FHAD1: variants seen among roughly 807,000 people sequenced by gnomAD.
FHAD1 encodes the protein forkhead associated phosphopeptide binding domain 1, also known as forkhead-associated domain-containing protein 1.
Under a neutral mutation model 191.3 loss-of-function variants are expected in FHAD1, and 146 were observed. The ratio of observed to expected loss-of-function variants is 0.76; its 90% CI spans 0.67 to 0.88. The LOEUF (loss-of-function observed/expected upper bound fraction) is 0.88, where lower values mean the gene tolerates loss of function less well. Ranked by LOEUF, FHAD1 falls within the 40% of genes least tolerant of loss-of-function variation. The pLI is 0.00. For synonymous variants in FHAD1, 616 were observed against 672.3 expected, an observed-to-expected ratio of 0.92 and a Z score of 1.29; for missense variants, 1,635 against 1,785.8, an observed-to-expected ratio of 0.92 and a Z score of 1.52.
At chr1:15,332,942 A>G (rs1488257896) in intron 14 of FHAD1, among the ~76,000 whole-genome samples, 1 of 152,186 alleles carries the variant, frequency 6.6e-6, no homozygotes, top group Non-Finnish European at 1.5e-5. Flanking sequence ...CAGTATTTCC[A>G]AACTACTGGT....
At chr1:15,254,077 C>T (rs1265522503) in intron 2 of FHAD1, among the ~76,000 whole-genome samples, 1 of 151,902 alleles carries the variant, frequency 6.6e-6, no homozygotes, top group African/African-American at 2.4e-5. Flanking sequence ...CATGGTCTCC[C>T]TACAAGGACA....
intron 1 of FHAD1, among the ~76,000 whole-genome samples, chr1:15,239,734 G>A (rs1388925622): frequency 6.6e-6 from 1 of 152,258 alleles, no homozygotes; most frequent in Non-Finnish European, 1.5e-5. Flanking sequence ...AGGACCTCCT[G>A]TTCCAAGGAA....
At chr1:15,260,648 T>C (rs1650601761) in intron 2 of FHAD1, among the ~76,000 whole-genome samples, 1 of 152,212 alleles carries the variant, frequency 6.6e-6, no homozygotes, top group South Asian at 2.1e-4. Flanking sequence ...TTCAGAGGCC[T>C]CCCAATCCCG....
At chr1:15,341,560 T>C (rs1294427478) in intron 15 of FHAD1, among the ~76,000 whole-genome samples, 176 bp from the exon 16 acceptor site, 1 of 152,268 alleles carries the variant, frequency 6.6e-6, no homozygotes, top group Non-Finnish European at 1.5e-5. Flanking sequence ...TGGGATTCTT[T>C]CTAGATCCAG....
At chr1:15,337,683 A>G (rs1684798103) in intron 14 of FHAD1, among the ~76,000 whole-genome samples, 1 of 152,180 alleles carries the variant, frequency 6.6e-6, no homozygotes, top group African/African-American at 2.4e-5. Context: ...AATACCAGCA[A>G]TACGGCCCGA....
At chr1:15,346,855 G>C (rs1689100090) in intron 18 of FHAD1, among the ~76,000 whole-genome samples, 1 of 152,230 alleles carries the variant, frequency 6.6e-6, no homozygotes, top group South Asian at 2.1e-4. Context: ...AGGGGCGGCT[G>C]TGGGCTCAGA....
At chr1:15,254,560 G>A (rs7532089) in intron 2 of FHAD1, among the ~76,000 whole-genome samples, 2 of 152,042 alleles carry the variant, frequency 1.3e-5, no homozygotes, top group Non-Finnish European at 2.9e-5. Context: ...AGGAACTAAT[G>A]AGGACAATTA....
chr1:15,313,742 A>G (rs1040634852), intron 8 of FHAD1, among the ~76,000 whole-genome samples: 1 of 152,108 alleles, frequency 6.6e-6, no homozygotes, highest in Non-Finnish European at 1.5e-5. Context: ...TTCTGTGTGG[A>G]GTGAACCTGG....
At chr1:15,388,935 T>C (rs1281473451) in intron 32 of FHAD1, among the ~76,000 whole-genome samples, 1 of 152,110 alleles carries the variant, frequency 6.6e-6, no homozygotes, top group African/African-American at 2.4e-5. Context: ...TCCCACTGAA[T>C]CCAGTAAAGT....
At chr1:15,273,271 T>C (rs1656906484) in intron 3 of FHAD1, among the ~76,000 whole-genome samples, 1 of 152,206 alleles carries the variant, frequency 6.6e-6, no homozygotes, top group Non-Finnish European at 1.5e-5. Flanking sequence ...AAAAGGGGCA[T>C]TGTTTAATAA....
intron 20 of FHAD1, among the ~76,000 whole-genome samples, chr1:15,354,236 C>A (rs1204390363): frequency 6.6e-6 from 1 of 152,212 alleles, no homozygotes; most frequent in Non-Finnish European, 1.5e-5. Flanking sequence ...GAAATTCTGA[C>A]CCCCTGGGTG....
chr1:15,329,603 C>T lies in FHAD1; in HGVS notation c.1906+62C>T. ...TCTAAAATGTCGCGTTGAATCTCAG[C>T]ATGATGGGACATCTGTTGAGGAAGT... On this transcript the variant is annotated intron_variant, in intron 14 of 33. Coordinates refer to ENST00000688493, the MANE Select transcript of FHAD1 (RefSeq NM_001391957.1). The surrounding 1 kb of genome is among the most constrained non-coding windows in gnomAD (Gnocchi z 5.0). 7.0e-7 allele frequency: 1 copy of T among 1,432,184 alleles called. No homozygotes were observed. The highest frequency in any genetic ancestry group is 9.6e-7 in the Non-Finnish European group (1 of 1,041,292). The allele number at this position is 1,432,184 out of a possible 1,614,324, so 88.7% of individuals were successfully genotyped here.
At position 15,382,038 on chromosome 1, in the gene FHAD1, G is replaced by T; in HGVS notation, c.4033G>T (p.Val1345Leu). 1.3e-6 allele frequency: 2 copies of T among 1,552,106 alleles called. No individual in the cohort carries two copies. Among genetic ancestry groups the T allele is most frequent in the Middle Eastern group, 3.3e-4 (2 of 5,998 alleles). ...CTCCTGTGCACCCAGGCGGAGCAAA[G>T]TGTCCATTGAGATGTACCAGTCGCA... ...KDVEQLRRSK[V>L]SIEMYQSQVA... is the part of the protein sequence containing the mutation. Residue 1345 changes from valine to leucine, a missense_variant, in exon 31 of 34, where the codon GTG (valine) becomes TTG (leucine). Physicochemically the swap from Val to Leu is conservative, Grantham distance 32. Transcript: ENST00000688493.
At chr1:15,400,520 C>A (rs751801492), downstream of FHAD1, among the ~76,000 whole-genome samples, 2 of 152,146 alleles carry the variant, frequency 1.3e-5, no homozygotes, top group East Asian at 1.9e-4. Flanking sequence ...CAACAAGGAG[C>A]AATTTTGCCC....
Position 15,312,988 on chromosome 1 carries a change from G to A in FHAD1, c.1040-69G>A. The A allele has an allele frequency of 6.5e-7, 1 of 1,533,364 alleles. No homozygotes were observed. Among genetic ancestry groups the A allele is most frequent in the Non-Finnish European group, 8.8e-7 (1 of 1,136,108 alleles). 95.0% of individuals were successfully genotyped at this position (1,533,364 alleles called of 1,614,324 possible). On this transcript the variant is annotated intron_variant, in intron 7 of 33. Coordinates refer to ENST00000688493, the MANE Select transcript of FHAD1 (RefSeq NM_001391957.1). This position sits in a 1 kb window ranked among gnomAD's most constrained non-coding sequence, Gnocchi z 4.7. ...TCAGTGCCAGGCTCGTCACAAACTG[G>A]TTGACAGCGGCAGCGATGACAGTCA... is the stretch of plus-strand genomic sequence containing the variant.
In FHAD1 at chr1:15,289,730, T is replaced by C; in HGVS notation, c.568+64T>C. ...TCACGGCCATGTGGATGGGTCTTGG[T>C]TTTGGTTTACTTTCTGATTCTAAAA... On this transcript the variant is annotated intron_variant, in intron 4 of 33. Coordinates refer to ENST00000688493, the MANE Select transcript of FHAD1 (RefSeq NM_001391957.1). The surrounding 1 kb of genome is among the most constrained non-coding windows in gnomAD (Gnocchi z 4.2). 1 of 1,475,416 alleles carries C rather than the reference T, an allele frequency of 6.8e-7. No homozygotes were observed. Among genetic ancestry groups the C allele is most frequent in the Non-Finnish European group, 9.0e-7 (1 of 1,108,874 alleles). 91.4% of individuals were successfully genotyped at this position (1,475,416 alleles called of 1,614,324 possible).
At chr1:15,375,103 G>A (rs955899065) in intron 27 of FHAD1, among the ~76,000 whole-genome samples, 12 of 152,082 alleles carry the variant, frequency 7.9e-5, no homozygotes, top group East Asian at 3.9e-4. Flanking sequence ...TGATCCACCC[G>A]CCTCAGCCTC....
Position 15,316,502 on chromosome 1 carries a change from G to GA in FHAD1, c.1260+41dup, listed in dbSNP as rs1315945298. 5.2e-5 allele frequency: 80 copies of GA among 1,531,886 alleles called. No individual in the cohort carries two copies. Among genetic ancestry groups the GA allele is most frequent in the Non-Finnish European group, 6.7e-5 (76 of 1,130,694 alleles). The allele number at this position is 1,531,886 out of a possible 1,614,324, so 94.9% of individuals were successfully genotyped here. ...GCTTCCTCCTTTGTAGGTACCACCA[G>GA]AAAAAACAGAGTTTGACCTTGAGGT... On this transcript the variant is annotated intron_variant, in intron 9 of 33. Coordinates refer to ENST00000688493, the MANE Select transcript of FHAD1 (RefSeq NM_001391957.1). This position sits in a 1 kb window ranked among gnomAD's most constrained non-coding sequence, Gnocchi z 4.3.
intron 3 of FHAD1, among the ~76,000 whole-genome samples, chr1:15,272,939 G>A (rs976534396): frequency 6.6e-6 from 1 of 152,140 alleles, no homozygotes; most frequent in Non-Finnish European, 1.5e-5. Context: ...CCTTCTTGAC[G>A]GCACATGGCA....
Sources: gnomAD v4.1 joint callset for allele counts (sites outside exome capture counted in the v4.1 genomes callset) on GRCh38, gnomAD v4.1.1 for gene constraint, Gnocchi (gnomAD v3.1) non-coding constraint, MANE v1.5 for transcripts, NCBI Gene and HGNC (gene_info 2026-07-23, HGNC 2026-07-21) for gene names.